The following SLC16A7 variants were observed in gnomAD, a reference collection of about 807,000 sequenced individuals.
The protein encoded by SLC16A7 is monocarboxylate transporter 2.
SLC16A7 carries 33 observed loss-of-function variants against 34.9 expected under a neutral mutation model. That is an observed-to-expected ratio of 0.94 (90% CI 0.72 to 1.26). The LOEUF (loss-of-function observed/expected upper bound fraction) is 1.26. SLC16A7 is among the 50% of genes most tolerant of loss of function. The pLI, the probability that SLC16A7 is intolerant of heterozygous loss-of-function variation, is 0.00. For missense variants in SLC16A7, 573 were observed against 578.1 expected, an observed-to-expected ratio of 0.99 and a Z score of 0.09; for synonymous variants, 201 against 206.6, an observed-to-expected ratio of 0.97 and a Z score of 0.23.
rs1438555991 is a variant in SLC16A7, at chr12:59,789,497, A to T, written c.*9818A>T. On this transcript the variant is annotated 3_prime_UTR_variant, in exon 6 of 6. Coordinates refer to ENST00000547379, the MANE Select transcript of SLC16A7 (RefSeq NM_001270623.2). ...TTTAAGCTTCCTGGAAATGTCGACA[A>T]TCATTTTAATGACCAAAGGTGCTAC... 6.6e-6 allele frequency: 1 copy of T among 152,192 alleles called. No individual in the cohort carries two copies. Among genetic ancestry groups the T allele is most frequent in the Non-Finnish European group, 1.5e-5 (1 of 68,018 alleles). The allele number at this position is 152,192 out of a possible 1,614,324, so 9.4% of individuals were successfully genotyped here. A position where few individuals can be genotyped will look rare whatever the true frequency, so the allele number is the denominator to read the frequency against.
At chr12:59,751,366 C>T (rs1565694690) in intron 3 of SLC16A7, among the ~76,000 whole-genome samples, 1 of 152,218 alleles carries the variant, frequency 6.6e-6, no homozygotes, top group Non-Finnish European at 1.5e-5. Context: ...AAAGGTGTGA[C>T]AGAGGCACCT....
At chr12:59,752,862 C>T (rs1255487341) in intron 3 of SLC16A7, among the ~76,000 whole-genome samples, 1 of 152,174 alleles carries the variant, frequency 6.6e-6, no homozygotes, top group Non-Finnish European at 1.5e-5. Context: ...AGAGAAAGAT[C>T]GGGTTACCCA....
In SLC16A7 at chr12:59,787,735, G is replaced by A. The variant is rs1883721827; in HGVS notation, c.*8056G>A. ...AGTAAAATCTTTTATGAATTGGGTG[G>A]GCCCTAAAAACATCTGTAGTACGTG... On this transcript the variant is annotated 3_prime_UTR_variant, in exon 6 of 6. Coordinates refer to ENST00000547379, the MANE Select transcript of SLC16A7 (RefSeq NM_001270623.2). 2 of 152,110 alleles carry A rather than the reference G, an allele frequency of 1.3e-5. No homozygotes were observed. The highest frequency in any genetic ancestry group is 4.8e-5 in the African/African-American group (2 of 41,430). The allele number at this position is 152,110 out of a possible 1,614,324, so 9.4% of individuals were successfully genotyped here. A position where few individuals can be genotyped will look rare whatever the true frequency, so the allele number is the denominator to read the frequency against.
At chr12:59,736,412 A>G (rs528912526) in intron 3 of SLC16A7, among the ~76,000 whole-genome samples, 5 of 152,320 alleles carry the variant, frequency 3.3e-5, no homozygotes, top group East Asian at 3.9e-4. Context: ...TTTAAGCACC[A>G]TATCCAAATT....
At chr12:59,610,806 T>C (rs1879159410) in intron 1 of SLC16A7, among the ~76,000 whole-genome samples, 1 of 152,228 alleles carries the variant, frequency 6.6e-6, no homozygotes, top group Non-Finnish European at 1.5e-5. Context: ...ATAATTGAGA[T>C]AATATATGTT....
chr12:59,607,627 C>A (rs1341456529), intron 1 of SLC16A7, among the ~76,000 whole-genome samples: 5 of 151,980 alleles, frequency 3.3e-5, no homozygotes, highest in Non-Finnish European at 5.9e-5. Context: ...GTTTTCTCCC[C>A]CATGTCTCTA....
At chr12:59,621,372 C>T (rs562299044) in intron 1 of SLC16A7, among the ~76,000 whole-genome samples, 1 of 151,942 alleles carries the variant, frequency 6.6e-6, no homozygotes, top group Admixed American at 6.6e-5. Flanking sequence ...TCTGGATTCC[C>T]TGGACTATAG....
chr12:59,725,417 AT>A (rs772706290), intron 3 of SLC16A7, among the ~76,000 whole-genome samples: 18 of 152,012 alleles, frequency 1.2e-4, no homozygotes, highest in African/African-American at 4.8e-5. Context: ...AACTTCCAGG[AT>A]TTTGTGGCAC....
intron 2 of SLC16A7, among the ~76,000 whole-genome samples, chr12:59,672,666 G>A (rs941621659): frequency 6.6e-5 from 10 of 152,070 alleles, no homozygotes; most frequent in African/African-American, 2.4e-4. Context: ...CTATCACCAT[G>A]TGCTTGCAGA....
At chr12:59,616,669 A>G (rs1330775686) in intron 1 of SLC16A7, among the ~76,000 whole-genome samples, 2 of 152,178 alleles carry the variant, frequency 1.3e-5, no homozygotes, top group Non-Finnish European at 2.9e-5. Flanking sequence ...AAAATAGGGA[A>G]TGTTCAACAG....
rs201904644 is a variant in SLC16A7 at position 59,650,081 on chromosome 12, C to CT, written c.-129-5062dup. 4.0e-3 allele frequency among the ~76,000 whole-genome samples: 609 copies of CT among 150,950 alleles called. 3 individuals carry two copies. The highest frequency in any genetic ancestry group is 0.014 in the African/African-American group (565 of 41,250). ...AGTGTTTAGGATTTATATATATCAT[C>CT]TTTTTTTTTGCTTATTAGAACAGAT... On this transcript the variant is annotated intron_variant, in intron 1 of 5. Coordinates refer to ENST00000547379, the MANE Select transcript of SLC16A7 (RefSeq NM_001270623.2).
chr12:59,787,867 T>C lies in SLC16A7; in HGVS notation c.*8188T>C, dbSNP rs1161900285. On this transcript the variant is annotated 3_prime_UTR_variant, in exon 6 of 6. Coordinates refer to ENST00000547379, the MANE Select transcript of SLC16A7 (RefSeq NM_001270623.2). Reference sequence around the variant, plus strand: ...GTTGCAGTGAGTGCATTTACTAATATAAGGATCCTTCTTTGTAGTGACAAC... The same window carrying C: ...GTTGCAGTGAGTGCATTTACTAATACAAGGATCCTTCTTTGTAGTGACAAC... The C allele has an allele frequency of 6.6e-6, 1 of 152,176 alleles. No homozygotes were observed. The highest frequency in any genetic ancestry group is 2.4e-5 in the African/African-American group (1 of 41,456). The allele number at this position is 152,176 out of a possible 1,614,324, so 9.4% of individuals were successfully genotyped here. A position where few individuals can be genotyped will look rare whatever the true frequency, so the allele number is the denominator to read the frequency against.
intron 2 of SLC16A7, among the ~76,000 whole-genome samples, chr12:59,659,086 C>T (rs1457411506): frequency 6.6e-6 from 1 of 151,944 alleles, no homozygotes; most frequent in Non-Finnish European, 1.5e-5. Context: ...TACCTTTAGC[C>T]TATGTGAATG....
intron 3 of SLC16A7, among the ~76,000 whole-genome samples, chr12:59,721,724 A>G (rs1291095204): frequency 6.6e-6 from 1 of 151,882 alleles, no homozygotes; most frequent in African/African-American, 2.4e-5. Flanking sequence ...GTTTCTCAGG[A>G]CTTCAATGCT....
intron 2 of SLC16A7, among the ~76,000 whole-genome samples, chr12:59,690,535 G>GT (rs1349030266): frequency 1.3e-5 from 2 of 151,960 alleles, no homozygotes; most frequent in African/African-American, 4.8e-5. Flanking sequence ...AAAGAAGAGT[G>GT]TAGGAAGGGC....
intron 2 of SLC16A7, among the ~76,000 whole-genome samples, chr12:59,682,689 G>A (rs1375874744): frequency 1.3e-5 from 2 of 152,200 alleles, no homozygotes; most frequent in African/African-American, 4.8e-5. Flanking sequence ...ATGCAAGTAG[G>A]TCAGGTAAAT....
chr12:59,623,520 G>GA (rs1402691253), intron 1 of SLC16A7, among the ~76,000 whole-genome samples: 1 of 151,380 alleles, frequency 6.6e-6, no homozygotes, highest in Non-Finnish European at 1.5e-5. Context: ...TATTTTTAAG[G>GA]AAAACCTATA....
chr12:59,752,863 G>T (rs368471424), intron 3 of SLC16A7, among the ~76,000 whole-genome samples: 1 of 152,134 alleles, frequency 6.6e-6, no homozygotes, highest in African/African-American at 2.4e-5. Context: ...GAGAAAGATC[G>T]GGTTACCCAC....
Position 59,789,541 on chromosome 12 carries a change from C to G in SLC16A7, c.*9862C>G, listed in dbSNP as rs1330508688. Reference sequence around the variant, plus strand: ...GTGCTACTTATTTTTCAACATTGACCTTGATCATAAGTGCTTCTATCTGCT... The same window carrying G: ...GTGCTACTTATTTTTCAACATTGACGTTGATCATAAGTGCTTCTATCTGCT... On this transcript the variant is annotated 3_prime_UTR_variant, in exon 6 of 6. Transcript: ENST00000547379. 6.6e-6 allele frequency: 1 copy of G among 151,950 alleles called. No individual in the cohort carries two copies. Among genetic ancestry groups the G allele is most frequent in the East Asian group, 1.9e-4 (1 of 5,198 alleles). 9.4% of individuals were successfully genotyped at this position (151,950 alleles called of 1,614,324 possible).
Sources: gnomAD v4.1 joint callset for allele counts (sites outside exome capture counted in the v4.1 genomes callset) on GRCh38, gnomAD v4.1.1 for gene constraint, MANE v1.5 for transcripts, NCBI Gene and HGNC (gene_info 2026-07-23, HGNC 2026-07-21) for gene names.